KLHL29: variants seen among roughly 807,000 people sequenced by gnomAD.
KLHL29 encodes kelch-like protein 29.
In KLHL29, 21 loss-of-function variants were observed where a neutral mutation model predicts 80.4. The ratio of observed to expected loss-of-function variants is 0.26; its 90% confidence interval spans 0.19 to 0.38. The LOEUF (loss-of-function observed/expected upper bound fraction) is 0.38. Ranked by LOEUF, KLHL29 falls within the 10% of genes least tolerant of loss-of-function variation. The pLI, the probability that KLHL29 is intolerant of heterozygous loss-of-function variation, is 1.00. For synonymous variants in KLHL29, 511 were observed against 526.8 expected (o/e 0.97, Z 0.41); for missense variants, 867 against 1,223.9 (o/e 0.71, Z 4.35).
rs59352915 is a variant in KLHL29 at position 23,684,341 on chromosome 2, TAAA to T, written c.941-47_941-45del. On this transcript the variant is annotated intron_variant, in intron 5 of 13. Coordinates refer to ENST00000486442, the MANE Select transcript of KLHL29 (RefSeq NM_052920.2). The surrounding 1 kb of genome is among the most constrained non-coding windows in gnomAD (Gnocchi z 4.4). ...AAAAAGAAAAAAAACTTTTTTTAATTAAAAAAAAAAAAACTCTTAATGGGAACC... is the reference window on the plus strand; with the variant it reads ...AAAAAGAAAAAAAACTTTTTTTAATTAAAAAAAAAACTCTTAATGGGAACC... The T allele has an allele frequency of 6.0e-6, 6 of 993,786 alleles. No individual in the cohort carries two copies. Among genetic ancestry groups the T allele is most frequent in the Non-Finnish European group, 7.9e-6 (6 of 759,252 alleles). 61.6% of individuals were successfully genotyped at this position (993,786 alleles called of 1,614,324 possible).
intron 3 of KLHL29, among the ~76,000 whole-genome samples, chr2:23,589,919 C>T (rs1193484575): frequency 1.3e-5 from 2 of 152,234 alleles, no homozygotes; most frequent in Non-Finnish European, 2.9e-5. Context: ...CAACTGTCAA[C>T]GTCTATTCTG....
chr2:23,430,393 C>T (rs562084974), intron 1 of KLHL29, among the ~76,000 whole-genome samples: 2 of 152,324 alleles, frequency 1.3e-5, no homozygotes, highest in Admixed American at 1.3e-4. Flanking sequence ...TATTTGGCTT[C>T]ACACAGATCA....
chr2:23,693,016 C>G (rs367586833), intron 7 of KLHL29, among the ~76,000 whole-genome samples: 15 of 152,118 alleles, frequency 9.9e-5, no homozygotes, highest in South Asian at 2.1e-4. Flanking sequence ...CTCCCAGTCT[C>G]GGTCCTTCTG....
chr2:23,557,993 G>T (rs1667342094), intron 2 of KLHL29, among the ~76,000 whole-genome samples: 1 of 152,124 alleles, frequency 6.6e-6, no homozygotes, highest in African/African-American at 2.4e-5. Flanking sequence ...GCACCATCTG[G>T]AACATGTGGC....
At chr2:23,477,807 A>T (rs543196563) in intron 2 of KLHL29, among the ~76,000 whole-genome samples, 3 of 152,384 alleles carry the variant, frequency 2.0e-5, no homozygotes, top group East Asian at 3.9e-4. Context: ...TATTCTTCAC[A>T]GAAGCCAGCT....
intron 3 of KLHL29, among the ~76,000 whole-genome samples, chr2:23,576,681 C>T (rs900483429): frequency 3.3e-5 from 5 of 152,204 alleles, no homozygotes; most frequent in Admixed American, 3.3e-4. Context: ...GCATCTGGCA[C>T]GGCCGATGGC....
intron 5 of KLHL29, among the ~76,000 whole-genome samples, chr2:23,644,492 A>C (rs1193030460): frequency 2.6e-5 from 4 of 152,232 alleles, no homozygotes; most frequent in African/African-American, 4.8e-5. Flanking sequence ...TGTTTTGTGC[A>C]AAAAGGTAAC....
chr2:23,460,923 A>C (rs1449599789), intron 1 of KLHL29, among the ~76,000 whole-genome samples: 1 of 152,230 alleles, frequency 6.6e-6, no homozygotes, highest in African/African-American at 2.4e-5. Flanking sequence ...CGTGACTGAT[A>C]AGGGCGGAAG....
chr2:23,662,225 C>A (rs988694564), intron 5 of KLHL29, among the ~76,000 whole-genome samples: 2 of 152,228 alleles, frequency 1.3e-5, no homozygotes, highest in Non-Finnish European at 2.9e-5. Flanking sequence ...ATGGTCTTAA[C>A]ACAAACTTCA....
chr2:23,475,066 T>C (rs1435546417), intron 1 of KLHL29, among the ~76,000 whole-genome samples: 1 of 152,200 alleles, frequency 6.6e-6, no homozygotes, highest in African/African-American at 2.4e-5. Flanking sequence ...CAAGGTCTTC[T>C]TGCCCATTGT....
At chr2:23,491,470 G>A (rs1665100344) in intron 2 of KLHL29, among the ~76,000 whole-genome samples, 1 of 152,140 alleles carries the variant, frequency 6.6e-6, no homozygotes. Context: ...GCCCTGTGTG[G>A]CTTCAGATGC....
chr2:23,634,460 C>G (rs1572454337), intron 3 of KLHL29, among the ~76,000 whole-genome samples: 1 of 152,176 alleles, frequency 6.6e-6, no homozygotes, highest in Admixed American at 6.5e-5. Context: ...GTGGCCCAGG[C>G]CCAGCCCATC....
chr2:23,521,644 AG>A (rs1666107742), intron 2 of KLHL29, among the ~76,000 whole-genome samples: 1 of 152,232 alleles, frequency 6.6e-6, no homozygotes, highest in South Asian at 2.1e-4. Context: ...CTTTGCAGGC[AG>A]GCAGCATCCT....
chr2:23,623,910 G>T (rs1416259795), intron 3 of KLHL29, among the ~76,000 whole-genome samples: 1 of 152,192 alleles, frequency 6.6e-6, no homozygotes, highest in East Asian at 1.9e-4. Context: ...GGTTTGGAGG[G>T]TCCCCCATTT....
In KLHL29 at chr2:23,454,666, A is replaced by G. The variant is rs559908254; in HGVS notation, c.-153-20894A>G. ...CAGAGGACTGAATAATGATTTCGTT[A>G]TTTCATTTGCACAGTCTCTCGTGAC... On this transcript the variant is annotated intron_variant, in intron 1 of 13. Coordinates refer to ENST00000486442, the MANE Select transcript of KLHL29 (RefSeq NM_052920.2). 1.3e-3 allele frequency among the ~76,000 whole-genome samples: 197 copies of G among 151,912 alleles called. 1 individual carries two copies. The highest frequency in any genetic ancestry group is 3.2e-3 in the Middle Eastern group (1 of 316).
chr2:23,554,783 G>A (rs954612392), intron 2 of KLHL29, among the ~76,000 whole-genome samples: 5 of 152,144 alleles, frequency 3.3e-5, no homozygotes, highest in Admixed American at 3.3e-4. Flanking sequence ...GGCTCATGGC[G>A]ACTCTTAATT....
intron 1 of KLHL29, among the ~76,000 whole-genome samples, chr2:23,438,346 T>C (rs1047472726): frequency 1.5e-4 from 22 of 150,016 alleles, no homozygotes; most frequent in African/African-American, 5.5e-4. Context: ...TCCAACACCA[T>C]GTTGAATAGG....
chr2:23,486,423 A>T (rs543822235), intron 2 of KLHL29, among the ~76,000 whole-genome samples: 53 of 151,136 alleles, frequency 3.5e-4, no homozygotes, highest in African/African-American at 1.2e-3. Flanking sequence ...CCCTCTTTGG[A>T]TCTTGTTGTT....
chr2:23,439,766 G>A (rs375783483), intron 1 of KLHL29, among the ~76,000 whole-genome samples: 175 of 151,480 alleles, frequency 1.2e-3, no homozygotes, highest in East Asian at 9.5e-3. Context: ...GTGGTGTGGT[G>A]CTGAAAAAAA....
Sources: allele counts gnomAD v4.1 joint callset (sites outside exome capture counted in the v4.1 genomes callset), GRCh38; gene constraint gnomAD v4.1.1; non-coding constraint Gnocchi (gnomAD v3.1); transcripts MANE v1.5; gene names NCBI Gene and HGNC (gene_info 2026-07-23, HGNC 2026-07-21).